Variants in BABAM2 observed in about 807,000 individuals in gnomAD.
BABAM2 encodes the protein BRISC and BRCA1 A complex member 2.
A neutral mutation model predicts 54.7 loss-of-function variants in BABAM2; 31 were observed. That is an observed-to-expected ratio of 0.57 (90% CI 0.43 to 0.77). BABAM2 has a LOEUF of 0.77. Ranked by LOEUF, BABAM2 falls within the 30% of genes least tolerant of loss-of-function variation. The pLI, the probability that BABAM2 is intolerant of heterozygous loss-of-function variation, is 0.00. For synonymous variants in BABAM2, 167 were observed against 162.9 expected (o/e 1.03, Z -0.19); for missense variants, 364 against 455.8 (o/e 0.80, Z 1.83).
intron 11 of BABAM2, among the ~76,000 whole-genome samples, chr2:28,328,063 G>A (rs112430970): frequency 1.3e-5 from 2 of 152,292 alleles, no homozygotes; most frequent in African/African-American, 4.8e-5. Flanking sequence ...AGTTGTCACA[G>A]GGGCCTTTGG....
chr2:28,176,586 A>AAAAAAAAAAAAAAAAAAAAAT (rs1674991387), intron 7 of BABAM2, among the ~76,000 whole-genome samples: 1 of 144,670 alleles, frequency 6.9e-6, no homozygotes, highest in Non-Finnish European at 1.5e-5. Context: ...AAAAAAAAAA[A>AAAAAAAAAAAAAAAAAAAAAT]AAAAAAAAAA....
chr2:28,318,988 G>C (rs538043847), intron 11 of BABAM2, among the ~76,000 whole-genome samples: 2 of 152,330 alleles, frequency 1.3e-5, no homozygotes, highest in South Asian at 4.1e-4. Context: ...CTAAGCAATG[G>C]GATGGAAAAG....
chr2:28,001,401 T>A (rs914170041), intron 4 of BABAM2, among the ~76,000 whole-genome samples: 2 of 152,242 alleles, frequency 1.3e-5, no homozygotes, highest in African/African-American at 4.8e-5. Context: ...CATTGATGCA[T>A]TCACAGTTTC....
At chr2:27,904,459 A>G (rs959705844) in intron 2 of BABAM2, among the ~76,000 whole-genome samples, 2 of 152,190 alleles carry the variant, frequency 1.3e-5, no homozygotes, top group African/African-American at 4.8e-5. Context: ...GTCCTCCAAT[A>G]AAAAGGCCAG....
chr2:28,260,941 C>CTTTTTT (rs34766123), intron 10 of BABAM2, among the ~76,000 whole-genome samples: 2 of 110,796 alleles, frequency 1.8e-5, no homozygotes, highest in African/African-American at 6.3e-5. Context: ...CATTTTCTTT[C>CTTTTTT]TTTTTTTTTT....
At chr2:28,162,986 G>A (rs189163876) in intron 7 of BABAM2, among the ~76,000 whole-genome samples, 1 of 152,246 alleles carries the variant, frequency 6.6e-6, no homozygotes, top group East Asian at 1.9e-4. Context: ...ATCCACAAGT[G>A]TAAGAATAAA....
chr2:27,959,204 A>G (rs992984029), intron 3 of BABAM2, among the ~76,000 whole-genome samples: 3 of 152,146 alleles, frequency 2.0e-5, no homozygotes, highest in African/African-American at 4.8e-5. Flanking sequence ...GAGTCAATGT[A>G]TTGTTTCTGT....
At position 28,329,697 on chromosome 2, in the gene BABAM2, A is replaced by G. The variant is rs1199329112; in HGVS notation, c.1089-8753A>G. On this transcript the variant is annotated intron_variant, in intron 11 of 11. Transcript: ENST00000379624. The surrounding 1 kb of genome is among the most constrained non-coding windows in gnomAD (Gnocchi z 4.2). ...AAATTGAGGCAGTAATAAATAGCCT[A>G]CCAACCAAAAAAAGCCCAGGACCAG... Among the ~76,000 whole-genome samples, 2 of 152,238 alleles carry G rather than the reference A, an allele frequency of 1.3e-5. No individual in the cohort carries two copies. Among genetic ancestry groups the G allele is most frequent in the Non-Finnish European group, 2.9e-5 (2 of 68,048 alleles).
intron 7 of BABAM2, among the ~76,000 whole-genome samples, chr2:28,232,212 C>A (rs1681478300): frequency 6.6e-6 from 1 of 152,088 alleles, no homozygotes. Context: ...GAATCACTAG[C>A]CCTTCTGATT....
intron 2 of BABAM2, among the ~76,000 whole-genome samples, chr2:27,904,049 A>G (rs1339674623): frequency 1.3e-5 from 2 of 152,204 alleles, no homozygotes; most frequent in Middle Eastern, 3.2e-3. Flanking sequence ...CTGATCACCA[A>G]GACAGCGACT....
intron 6 of BABAM2, among the ~76,000 whole-genome samples, chr2:28,115,231 A>G (rs1668509923): frequency 6.6e-6 from 1 of 150,600 alleles, no homozygotes; most frequent in East Asian, 2.0e-4. Context: ...ACACAAACCA[A>G]TCAAATACTA....
intron 7 of BABAM2, among the ~76,000 whole-genome samples, chr2:28,148,273 C>A (rs561282451): frequency 1.1e-3 from 163 of 152,318 alleles, no homozygotes; most frequent in Admixed American, 4.6e-3. Flanking sequence ...ATGGGCTCCT[C>A]AGAGGCATGT....
intron 6 of BABAM2, among the ~76,000 whole-genome samples, chr2:28,082,446 T>C (rs1573542198): frequency 6.6e-6 from 1 of 152,212 alleles, no homozygotes; most frequent in East Asian, 1.9e-4. Context: ...TGAGTTCCAG[T>C]CCCAGTTTTG....
At chr2:27,890,320 C>T, upstream of BABAM2, 1 of 1,613,836 alleles carries the variant, frequency 6.2e-7, no homozygotes, top group African/African-American at 1.3e-5. This position sits in a 1 kb window ranked among gnomAD's most constrained non-coding sequence, Gnocchi z 4.8. Context: ...TTGCCACTGC[C>T]TCTGGGGTTC....
chr2:28,052,916 A>G (rs978961243), intron 6 of BABAM2, among the ~76,000 whole-genome samples: 2 of 152,192 alleles, frequency 1.3e-5, no homozygotes, highest in Non-Finnish European at 2.9e-5. Flanking sequence ...GAAGAACATT[A>G]GACTGATTAA....
intron 4 of BABAM2, among the ~76,000 whole-genome samples, chr2:28,011,874 A>G (rs1376747705): frequency 1.3e-5 from 2 of 152,264 alleles, no homozygotes; most frequent in Middle Eastern, 3.4e-3. Context: ...GGAGTTCCCT[A>G]TGGCTATAAA....
intron 10 of BABAM2, among the ~76,000 whole-genome samples, chr2:28,285,956 T>C (rs1487287066): frequency 8.7e-6 from 1 of 115,548 alleles, no homozygotes; most frequent in Non-Finnish European, 1.8e-5. Flanking sequence ...GAATAATAAC[T>C]TTTTTTTTTT....
intron 11 of BABAM2, among the ~76,000 whole-genome samples, chr2:28,327,879 T>C (rs981610265): frequency 7.1e-4 from 108 of 152,188 alleles, no homozygotes; most frequent in African/African-American, 2.5e-3. Context: ...CCAGGCATGC[T>C]CAGGGGTTGG....
chr2:27,985,063 G>A (rs1239454745), intron 3 of BABAM2, among the ~76,000 whole-genome samples: 1 of 146,010 alleles, frequency 6.8e-6, no homozygotes, highest in African/African-American at 2.5e-5. Context: ...CATGATGTGT[G>A]TGTGTGTGTG....
Sources: gnomAD v4.1 joint callset for allele counts (sites outside exome capture counted in the v4.1 genomes callset) on GRCh38, gnomAD v4.1.1 for gene constraint, Gnocchi (gnomAD v3.1) non-coding constraint, MANE v1.5 for transcripts, NCBI Gene and HGNC (gene_info 2026-07-23, HGNC 2026-07-21) for gene names.